The following CLUAP1 variants were observed in gnomAD, a reference collection of about 807,000 sequenced individuals.
CLUAP1 encodes the protein intraflagellar transport 38.
Under a neutral mutation model 55.0 loss-of-function variants are expected in CLUAP1, and 50 were observed. That is an observed-to-expected ratio of 0.91 (90% CI 0.72 to 1.15). The LOEUF (loss-of-function observed/expected upper bound fraction) is 1.15. CLUAP1 is among the 50% of genes most tolerant of loss of function. CLUAP1 has a pLI of 0.00. For synonymous variants in CLUAP1, 195 were observed against 175.4 expected, an observed-to-expected ratio of 1.11 and a Z score of -0.88; for missense variants, 530 against 507.6, an observed-to-expected ratio of 1.04 and a Z score of -0.42.
chr16:3,532,933 G>C, intron 11 of CLUAP1, 92 bp downstream of exon 11: 2 of 1,501,316 alleles, frequency 1.3e-6, no homozygotes, highest in Non-Finnish European at 1.9e-6. Context: ...AGCAGCCAGG[G>C]AGCCGTCTAT....
At chr16:3,507,545 G>A (rs2037531399) in intron 3 of CLUAP1, among the ~76,000 whole-genome samples, 1 of 149,160 alleles carries the variant, frequency 6.7e-6, no homozygotes, top group South Asian at 2.1e-4. Flanking sequence ...AGGTGACAGA[G>A]TGAGACCCTA....
intron 6 of CLUAP1, among the ~76,000 whole-genome samples, chr16:3,517,128 C>CTT (rs548805558): frequency 7.8e-5 from 11 of 140,484 alleles, no homozygotes; most frequent in African/African-American, 2.3e-4. Flanking sequence ...CTTTTTTTTT[C>CTT]TTTTTTTTTT....
At chr16:3,511,907 C>A (rs116452559) in intron 4 of CLUAP1, among the ~76,000 whole-genome samples, 1,919 of 152,252 alleles carry the variant, frequency 0.013, 43 homozygotes, top group African/African-American at 0.044. Flanking sequence ...CTGTGGCTGG[C>A]CGGGCACGGT....
rs777479822 is a variant in CLUAP1, at chr16:3,508,317, C to T, written c.248C>T (p.Thr83Ile). 4.8e-5 allele frequency: 77 copies of T among 1,602,414 alleles called. 2 individuals are homozygous for T. In the South Asian group the frequency reaches 8.2e-4, roughly 17 times the overall value. ...MATKAHIKLN[T>I]KKLYQADGYA... ...ACCAAGGCACATATAAAACTCAACACTAAGAAGCTTTATCAAGCAGATGGG... is the reference window on the plus strand; with the variant it reads ...ACCAAGGCACATATAAAACTCAACATTAAGAAGCTTTATCAAGCAGATGGG... Residue 83 changes from threonine (T) to isoleucine (I), a missense_variant, in exon 4 of 12, where the codon ACT becomes ATT. Transcript: ENST00000576634.
intron 5 of CLUAP1, among the ~76,000 whole-genome samples, chr16:3,514,581 C>T (rs556606939): frequency 6.6e-6 from 1 of 152,310 alleles, no homozygotes; most frequent in South Asian, 2.1e-4. Flanking sequence ...TCCCAAAACA[C>T]AATAAGCTGA....
At chr16:3,496,422 C>T, upstream of CLUAP1, 1 of 1,010,408 alleles carries the variant, frequency 9.9e-7, no homozygotes. Flanking sequence ...ATGAAGCTTC[C>T]TGGCTGGGAA....
chr16:3,508,537 T>A (rs371795685), intron 4 of CLUAP1, 69 bp downstream of exon 4: 4 of 1,371,382 alleles, frequency 2.9e-6, no homozygotes, highest in African/African-American at 1.5e-5. Flanking sequence ...GTGGAAGGAG[T>A]CTGCTACAGC....
At chr16:3,512,616 G>A (rs976400986) in intron 5 of CLUAP1, 138 bp downstream of exon 5, 4 of 557,712 alleles carry the variant, frequency 7.2e-6, no homozygotes, top group African/African-American at 3.8e-5. Context: ...AGGTGATAGA[G>A]GATATTAGCT....
chr16:3,537,189 C>G lies in CLUAP1; in HGVS notation c.*918C>G, dbSNP rs1462669890. The G allele has an allele frequency of 6.6e-6, 1 of 152,106 alleles. No homozygotes were observed. Among genetic ancestry groups the G allele is most frequent in the African/African-American group, 2.4e-5 (1 of 41,388 alleles). The allele number at this position is 152,106 out of a possible 1,614,324, so 9.4% of individuals were successfully genotyped here. A position where few individuals can be genotyped will look rare whatever the true frequency, so the allele number is the denominator to read the frequency against. On this transcript the variant is annotated 3_prime_UTR_variant, in exon 12 of 12. Transcript: ENST00000576634. ...AGGCAGGTTTCCTGCAGCTCGCTAC[C>G]TAAGTGTTTCTGTAGGGGAAGGAGC...
chr16:3,522,158 A>G (rs934845237), intron 7 of CLUAP1, among the ~76,000 whole-genome samples: 7 of 150,640 alleles, frequency 4.6e-5, no homozygotes, highest in South Asian at 2.1e-4. Context: ...GTAGAACATT[A>G]TTATTATTAT....
chr16:3,506,861 G>A (rs1232699347), intron 3 of CLUAP1, among the ~76,000 whole-genome samples: 1 of 152,126 alleles, frequency 6.6e-6, no homozygotes, highest in African/African-American at 2.4e-5. Context: ...CATTTCACCA[G>A]CGAAGTTCTT....
At chr16:3,504,903 A>G (rs550215922) in intron 2 of CLUAP1, 72 bp downstream of exon 2, 1 of 937,558 alleles carries the variant, frequency 1.1e-6, no homozygotes, top group East Asian at 2.4e-5. Flanking sequence ...AGAAAACAGG[A>G]CACAGCTGTG....
At chr16:3,521,326 A>C (rs2037828157) in intron 7 of CLUAP1, among the ~76,000 whole-genome samples, 1 of 152,020 alleles carries the variant, frequency 6.6e-6, no homozygotes, top group African/African-American at 2.4e-5. Context: ...ATTATTTCTG[A>C]GTTTATCTGC....
At chr16:3,503,781 A>T (rs2037453209) in intron 1 of CLUAP1, among the ~76,000 whole-genome samples, 1 of 152,034 alleles carries the variant, frequency 6.6e-6, no homozygotes, top group Admixed American at 6.6e-5. Flanking sequence ...CTCTGTATTC[A>T]CATTTCCCAG....
chr16:3,509,421 C>T (rs544631672), intron 4 of CLUAP1, among the ~76,000 whole-genome samples: 1 of 152,290 alleles, frequency 6.6e-6, no homozygotes, highest in East Asian at 1.9e-4. Context: ...GCTTATTTCC[C>T]GTCCAAAGGG....
upstream of CLUAP1, among the ~76,000 whole-genome samples, chr16:3,500,401 C>G (rs534870774): frequency 1.4e-5 from 2 of 146,724 alleles, no homozygotes; most frequent in African/African-American, 5.1e-5. Context: ...GACAGAGTCT[C>G]GCTCTGTCGC....
rs1054480881 is a variant in CLUAP1, at chr16:3,538,576, A to G, written c.*2305A>G. 1.3e-5 allele frequency: 2 copies of G among 152,182 alleles called. No individual in the cohort carries two copies. The highest frequency in any genetic ancestry group is 2.9e-5 in the Non-Finnish European group (2 of 68,032). The allele number at this position is 152,182 out of a possible 1,614,324, so 9.4% of individuals were successfully genotyped here. A position where few individuals can be genotyped will look rare whatever the true frequency, so the allele number is the denominator to read the frequency against. On this transcript the variant is annotated 3_prime_UTR_variant, in exon 12 of 12. Coordinates refer to ENST00000576634, the MANE Select transcript of CLUAP1 (RefSeq NM_015041.3). Reference sequence around the variant, plus strand: ...TCCTTATGTGATGCTTTCTTCTAACACACTTTAACACAGAAGCCTAACCTA... The same window carrying G: ...TCCTTATGTGATGCTTTCTTCTAACGCACTTTAACACAGAAGCCTAACCTA...
chr16:3,498,317 C>T (rs995946955), upstream of CLUAP1, among the ~76,000 whole-genome samples: 1 of 152,006 alleles, frequency 6.6e-6, no homozygotes, highest in African/African-American at 2.4e-5. Context: ...TCTAGCAATT[C>T]AAATGCTAAT....
In CLUAP1 at chr16:3,536,126, A is replaced by T. The variant is rs758029110; in HGVS notation, c.1097A>T (p.Asp366Val). 3 of 1,613,996 alleles carry T rather than the reference A, an allele frequency of 1.9e-6. No homozygotes were observed. The highest frequency in any genetic ancestry group is 2.5e-6 in the Non-Finnish European group (3 of 1,179,980). ...MQGGDSDDNE[D>V]SEESEIDMED... ...TCTGCCATTTTTTTCCTATAGGAGGACTCGGAGGAGAGTGAAATTGACATG... is the reference window on the plus strand; with the variant it reads ...TCTGCCATTTTTTTCCTATAGGAGGTCTCGGAGGAGAGTGAAATTGACATG... The change falls in exon 12 of 12, where the codon GAC becomes GTC. Residue 366 changes from aspartate to valine, a missense_variant. Transcript: ENST00000576634.
Sources: allele counts gnomAD v4.1 joint callset (sites outside exome capture counted in the v4.1 genomes callset), GRCh38; gene constraint gnomAD v4.1.1; transcripts MANE v1.5; gene names NCBI Gene and HGNC (gene_info 2026-07-23, HGNC 2026-07-21).